The following ADGRG4 variants were observed in gnomAD, a reference collection of about 807,000 sequenced individuals.
ADGRG4 encodes adhesion G protein-coupled receptor G4, also known as G protein-coupled receptor 112.
ADGRG4 carries 122 observed loss-of-function variants against 126.2 expected under a neutral mutation model. The ratio of observed to expected loss-of-function variants is 0.97; its 90% confidence interval spans 0.83 to 1.12. The LOEUF (loss-of-function observed/expected upper bound fraction) is 1.12, where lower values mean the gene tolerates loss of function less well. Among genes scored for constraint, ADGRG4 ranks in the 50% most tolerant of loss-of-function variants. The pLI is 0.00. For synonymous variants in ADGRG4, 943 were observed against 838.7 expected (o/e 1.12, Z -2.15); for missense variants, 2,481 against 2,251.8 (o/e 1.10, Z -2.06).
chrX:136,324,357 A>G (rs758434482), intron 5 of ADGRG4, among the ~76,000 whole-genome samples: 1 of 111,549 alleles, frequency 9.0e-6, no homozygotes. Flanking sequence ...ATTTTTTTAC[A>G]TTTATTAGTT....
At chrX:136,394,000 A>G (rs2075333739) in intron 18 of ADGRG4, among the ~76,000 whole-genome samples, 1 of 111,736 alleles carries the variant, frequency 8.9e-6, no homozygotes, top group African/African-American at 3.2e-5. Context: ...TGTTTGAAGA[A>G]AGTTGAGGAA....
At chrX:136,403,213 G>T in intron 21 of ADGRG4, 31 bp from the exon 22 acceptor site, 1 of 1,157,956 alleles carries the variant, frequency 8.6e-7, no homozygotes, top group Non-Finnish European at 1.2e-6. Flanking sequence ...GCTACCTGAT[G>T]AAATGCCTTT....
chrX:136,315,849 G>A (rs1455723929), intron 4 of ADGRG4, among the ~76,000 whole-genome samples: 1 of 111,783 alleles, frequency 8.9e-6, no homozygotes, highest in Non-Finnish European at 1.9e-5. Flanking sequence ...TAAAGATGAA[G>A]GCAGATATCG....
chrX:136,338,166 T>A (rs751494049), intron 5 of ADGRG4, among the ~76,000 whole-genome samples: 4 of 109,905 alleles, frequency 3.6e-5, no homozygotes, highest in African/African-American at 1.3e-4. Flanking sequence ...GGTTCCTTTT[T>A]TTTTTTTTCA....
intron 4 of ADGRG4, among the ~76,000 whole-genome samples, chrX:136,317,291 G>A (rs2074810604): frequency 9.1e-6 from 1 of 109,503 alleles, no homozygotes; most frequent in Non-Finnish European, 1.9e-5. Context: ...ATGAGGTCAG[G>A]AGATCGAGAC....
At chrX:136,363,169 T>C (rs955292739) in intron 12 of ADGRG4, among the ~76,000 whole-genome samples, 1 of 111,837 alleles carries the variant, frequency 8.9e-6, no homozygotes, top group Non-Finnish European at 1.9e-5. Flanking sequence ...GAAAGAGTCA[T>C]GTCTAGAGGA....
intron 18 of ADGRG4, among the ~76,000 whole-genome samples, chrX:136,394,642 G>A (rs760734228): frequency 8.9e-6 from 1 of 111,735 alleles, no homozygotes; most frequent in Non-Finnish European, 1.9e-5. Flanking sequence ...CAAATTGCTG[G>A]GGTACTCCCA....
intron 5 of ADGRG4, among the ~76,000 whole-genome samples, chrX:136,339,557 T>C (rs1391450809): frequency 1.8e-5 from 2 of 112,232 alleles, no homozygotes; most frequent in Non-Finnish European, 3.8e-5. Flanking sequence ...GGAATGAGCC[T>C]ACTTGGACTG....
At position 136,332,270 on chromosome X, in the gene ADGRG4, C is replaced by T. The variant is rs1204283309; in HGVS notation, c.685+8878C>T. Among the ~76,000 whole-genome samples, 43 of 105,008 alleles carry T rather than the reference C, an allele frequency of 4.1e-4. No individual in the cohort carries two copies. The East Asian group carries it at 0.013, about 31-fold the overall frequency. 91.2% of individuals were successfully genotyped at this position (105,008 alleles called of 115,157 possible). ...AACATGCGGTGTTTGGTTTTTTGTT[C>T]TTGCGATAGTTTACTGAGAATGATG... is the stretch of plus-strand genomic sequence containing the variant. On this transcript the variant is annotated intron_variant, in intron 5 of 25. Transcript: ENST00000394143.
intron 23 of ADGRG4, among the ~76,000 whole-genome samples, chrX:136,411,033 T>C (rs1013320444): frequency 1.3e-4 from 14 of 111,476 alleles, no homozygotes; most frequent in Admixed American, 4.8e-4. Flanking sequence ...GGAAATCTAA[T>C]TGGTCCTCCA....
intron 1 of ADGRG4, among the ~76,000 whole-genome samples, chrX:136,301,431 GTTGT>G (rs1164975556): frequency 6.3e-5 from 7 of 111,927 alleles, no homozygotes; most frequent in African/African-American, 1.9e-4. Context: ...TTTTGATGGG[GTTGT>G]TTGTTTTTTT....
chrX:136,397,318 T>C (rs2075354895), intron 19 of ADGRG4, among the ~76,000 whole-genome samples: 1 of 111,205 alleles, frequency 9.0e-6, no homozygotes, highest in African/African-American at 3.3e-5. Flanking sequence ...TCTCTAATCA[T>C]CTGATGAAAG....
At chrX:136,323,577 AACAC>A (rs138686053) in intron 5 of ADGRG4, among the ~76,000 whole-genome samples, 185 bp downstream of exon 5, 3,628 of 93,943 alleles carry the variant, frequency 0.039, 102 homozygotes, top group African/African-American at 0.087. Flanking sequence ...AGGATAGAAG[AACAC>A]ACACACACAC....
At chrX:136,403,154 A>G in intron 21 of ADGRG4, 90 bp from the exon 22 acceptor site, 2 of 635,839 alleles carry the variant, frequency 3.1e-6, no homozygotes, top group South Asian at 2.5e-5. Context: ...TTATTTAAAC[A>G]GTGTCTTAAT....
At position 136,351,514 on chromosome X, in the gene ADGRG4, T is replaced by C. The variant is rs143556654; in HGVS notation, c.6795T>C (p.Ser2265=). The C allele has an allele frequency of 1.8e-6, 2 of 1,133,604 alleles. No homozygotes were observed. The highest frequency in any genetic ancestry group is 3.6e-5 in the African/African-American group (2 of 54,935). 93.4% of individuals were successfully genotyped at this position (1,133,604 alleles called of 1,213,427 possible). A position where few individuals can be genotyped will look rare whatever the true frequency, so the allele number is the denominator to read the frequency against. Residue 2265 remains serine, a synonymous_variant, in exon 7 of 26, where the codon AGT becomes AGC. Transcript: ENST00000394143. ...FVEEPRIPIT[S]VINEFTENSL... is the part of the protein sequence containing the mutation. Reference sequence around the variant, plus strand: ...AAGAGCCAAGGATCCCTATTACCAGTGTTATAAATGAATTTACGGAAAATT... The same window carrying C: ...AAGAGCCAAGGATCCCTATTACCAGCGTTATAAATGAATTTACGGAAAATT...
chrX:136,344,137 A>G (rs2074996045), intron 5 of ADGRG4, among the ~76,000 whole-genome samples: 2 of 111,477 alleles, frequency 1.8e-5, no homozygotes, highest in African/African-American at 6.5e-5. Context: ...TCCCTCTTTC[A>G]GGAATGTTTA....
chrX:136,415,371 A>C (rs1216153402), intron 25 of ADGRG4, among the ~76,000 whole-genome samples: 1 of 111,550 alleles, frequency 9.0e-6, no homozygotes, highest in East Asian at 2.8e-4. Flanking sequence ...TGTGACCTTG[A>C]GCACATCACT....
chrX:136,332,998 T>C (rs2074923125), intron 5 of ADGRG4, among the ~76,000 whole-genome samples: 1 of 111,568 alleles, frequency 9.0e-6, no homozygotes, highest in South Asian at 3.8e-4. Flanking sequence ...GTGCGGAAGC[T>C]CTTTAGTTTA....
intron 4 of ADGRG4, among the ~76,000 whole-genome samples, chrX:136,316,095 C>A (rs2074803354): frequency 8.9e-6 from 1 of 111,789 alleles, no homozygotes; most frequent in African/African-American, 3.3e-5. Flanking sequence ...GACACAGACA[C>A]TGATGCTCTG....
Sources: gnomAD v4.1 joint callset for allele counts (sites outside exome capture counted in the v4.1 genomes callset) on GRCh38, gnomAD v4.1.1 for gene constraint, MANE v1.5 for transcripts, NCBI Gene and HGNC (gene_info 2026-07-23, HGNC 2026-07-21) for gene names.